CSMD1: variants seen among roughly 807,000 people sequenced by gnomAD.
The protein encoded by CSMD1 is CUB and Sushi multiple domains 1, also known as CUB and sushi domain-containing protein 1.
CSMD1 carries 213 observed loss-of-function variants against 417.5 expected under a neutral mutation model. The ratio of observed to expected loss-of-function variants is 0.51; its 90% CI spans 0.46 to 0.57. The LOEUF (loss-of-function observed/expected upper bound fraction) is 0.57, where lower values mean the gene tolerates loss of function less well. Ranked by LOEUF, CSMD1 falls within the 20% of genes least tolerant of loss-of-function variation. The pLI is 0.00. For missense variants in CSMD1, 6,923 were observed against 4,529.7 expected (o/e 1.53, Z -15.17); for synonymous variants, 2,862 against 1,736.8 (o/e 1.65, Z -16.11).
intron 1 of CSMD1, among the ~76,000 whole-genome samples, chr8:4,740,527 T>C (rs186349721): frequency 6.6e-6 from 1 of 152,268 alleles, no homozygotes; most frequent in East Asian, 1.9e-4. Flanking sequence ...TGTCTTCAAA[T>C]ATGGATAAGA....
intron 5 of CSMD1, among the ~76,000 whole-genome samples, chr8:3,911,715 T>G (rs568791613): frequency 4.6e-5 from 7 of 152,180 alleles, no homozygotes; most frequent in Admixed American, 6.5e-5. Flanking sequence ...CCTATCAAAC[T>G]CCAGAACTTC....
At chr8:3,679,947 A>C (rs537474071) in intron 7 of CSMD1, among the ~76,000 whole-genome samples, 1 of 152,210 alleles carries the variant, frequency 6.6e-6, no homozygotes, top group East Asian at 1.9e-4. Flanking sequence ...TGGGTACATA[A>C]CGAAATGAAG....
chr8:4,301,932 C>G (rs919377928), intron 3 of CSMD1, among the ~76,000 whole-genome samples: 3 of 152,168 alleles, frequency 2.0e-5, no homozygotes, highest in African/African-American at 7.2e-5. Context: ...GATAGGGGCT[C>G]TTTTCAAACT....
chr8:4,881,813 C>A (rs894830247), intron 1 of CSMD1, among the ~76,000 whole-genome samples: 3 of 151,866 alleles, frequency 2.0e-5, no homozygotes, highest in Non-Finnish European at 2.9e-5. Context: ...ATGATTTGGG[C>A]CTATAAGTAA....
intron 3 of CSMD1, among the ~76,000 whole-genome samples, chr8:4,143,006 C>T (rs911828665): frequency 2.2e-5 from 3 of 135,536 alleles, no homozygotes; most frequent in African/African-American, 2.6e-5. Flanking sequence ...AAAAAAAATG[C>T]TCTCCATTTA....
At chr8:3,243,248 G>T (rs546637495) in intron 26 of CSMD1, among the ~76,000 whole-genome samples, 4 of 152,064 alleles carry the variant, frequency 2.6e-5, no homozygotes, top group African/African-American at 9.7e-5. Context: ...TCTTTTTCAC[G>T]GAGCAAAGAG....
chr8:3,755,868 T>C (rs1250230482), intron 5 of CSMD1, among the ~76,000 whole-genome samples: 1 of 152,132 alleles, frequency 6.6e-6, no homozygotes, highest in East Asian at 1.9e-4. Context: ...TATGTAGTAC[T>C]GGCTGGTGAC....
intron 52 of CSMD1, among the ~76,000 whole-genome samples, chr8:3,000,973 C>T (rs1807356109): frequency 6.7e-6 from 1 of 149,090 alleles, no homozygotes; most frequent in African/African-American, 2.6e-5. Context: ...TCCACTCACT[C>T]CCACCATTTT....
chr8:3,366,949 C>A (rs12547303), intron 20 of CSMD1, 83 bp downstream of exon 20: 21,034 of 1,052,978 alleles, frequency 0.02, 485 homozygotes, highest in East Asian at 0.079. Flanking sequence ...ATTACACACA[C>A]ACACACACCC....
chr8:3,042,429 C>T (rs1184121060), intron 50 of CSMD1, among the ~76,000 whole-genome samples: 1 of 152,146 alleles, frequency 6.6e-6, no homozygotes, highest in Non-Finnish European at 1.5e-5. Flanking sequence ...TAGGTATTTT[C>T]TAAATGTATT....
chr8:4,125,209 G>A (rs1005865585), intron 3 of CSMD1, among the ~76,000 whole-genome samples: 1 of 152,120 alleles, frequency 6.6e-6, no homozygotes, highest in Non-Finnish European at 1.5e-5. Flanking sequence ...TAAAGGGAAA[G>A]GTCGAGCTGG....
Position 2,993,098 on chromosome 8 carries a change from T to C in CSMD1, c.8377+4913A>G, listed in dbSNP as rs567664364. 3.3e-4 allele frequency among the ~76,000 whole-genome samples: 51 copies of C among 152,314 alleles called. 1 individual carries two copies. The highest frequency in any genetic ancestry group is 1.2e-3 in the African/African-American group (50 of 41,570). On this transcript the variant is annotated intron_variant, in intron 54 of 69. Transcript: ENST00000635120. ...ATTGTCCAATATCATGTGTTGGAGC[T>C]TCATCCAGTACTTGTGAATCCCAAA...
At chr8:4,506,072 C>T (rs1177139042) in intron 2 of CSMD1, among the ~76,000 whole-genome samples, 2 of 152,066 alleles carry the variant, frequency 1.3e-5, no homozygotes, top group Non-Finnish European at 2.9e-5. Flanking sequence ...AATCAAAAGC[C>T]ATTCGAATAA....
chr8:4,402,583 A>T (rs1804715562), intron 3 of CSMD1, among the ~76,000 whole-genome samples: 1 of 152,136 alleles, frequency 6.6e-6, no homozygotes, highest in Non-Finnish European at 1.5e-5. Context: ...ACTTTTATAG[A>T]AGATGCTTTG....
Position 4,849,440 on chromosome 8 carries a change from C to T in CSMD1, c.85+144892G>A, listed in dbSNP as rs565057697. Among the ~76,000 whole-genome samples, 9 of 152,016 alleles carry T rather than the reference C, an allele frequency of 5.9e-5. No individual in the cohort carries two copies. The South Asian group carries it at 1.5e-3, about 25-fold the overall frequency. On this transcript the variant is annotated intron_variant, in intron 1 of 69. Coordinates refer to ENST00000635120, the MANE Select transcript of CSMD1 (RefSeq NM_033225.6). Reference sequence around the variant, plus strand: ...AGTTTGCTATACCCTCAGTGTACAACGGTTGTAAAGTCCACAATAGTGAAC... The same window carrying T: ...AGTTTGCTATACCCTCAGTGTACAATGGTTGTAAAGTCCACAATAGTGAAC...
intron 5 of CSMD1, among the ~76,000 whole-genome samples, chr8:3,803,228 C>T (rs1224972790): frequency 3.9e-5 from 6 of 152,124 alleles, no homozygotes; most frequent in African/African-American, 7.2e-5. Flanking sequence ...TGTGTGCCAA[C>T]CCCCATTCTG....
rs867243281 is a variant in CSMD1 at position 3,327,019 on chromosome 8, A to G, written c.3631+16275T>C. Among the ~76,000 whole-genome samples, 12 of 151,756 alleles carry G rather than the reference A, an allele frequency of 7.9e-5. No homozygotes were observed. In the South Asian group the frequency reaches 1.0e-3, roughly 13 times the overall value. ...GAGCAAGACCCTACTCTCCACTAAA[A>G]GGAAAAAAAAAAGACAAAAAATAAA... On this transcript the variant is annotated intron_variant, in intron 23 of 69. Transcript: ENST00000635120.
At chr8:3,293,622 C>G (rs181904044) in intron 25 of CSMD1, among the ~76,000 whole-genome samples, 199 of 152,264 alleles carry the variant, frequency 1.3e-3, no homozygotes, top group African/African-American at 4.4e-3. Context: ...ATTGTATTGG[C>G]TACTGAGGCT....
chr8:3,644,500 T>C (rs1363969626), intron 7 of CSMD1, among the ~76,000 whole-genome samples: 2 of 152,136 alleles, frequency 1.3e-5, no homozygotes, highest in African/African-American at 4.8e-5. Flanking sequence ...TTGCTCTGAT[T>C]AGCAAAAAGA....
Sources: gnomAD v4.1 joint callset for allele counts (sites outside exome capture counted in the v4.1 genomes callset) on GRCh38, gnomAD v4.1.1 for gene constraint, MANE v1.5 for transcripts, NCBI Gene and HGNC (gene_info 2026-07-23, HGNC 2026-07-21) for gene names.